MYO9A: variants seen among roughly 807,000 people sequenced by gnomAD.
MYO9A encodes the protein myosin IXA, also known as unconventional myosin-IXa.
MYO9A carries 103 observed loss-of-function variants against 293.3 expected under a neutral mutation model. That is an observed-to-expected ratio of 0.35 (90% CI 0.30 to 0.41). The LOEUF is 0.41. MYO9A is among the 10% of genes least tolerant of loss of function. The pLI is 1.00. For missense variants in MYO9A, 2,685 were observed against 3,033.0 expected (o/e 0.89, Z 2.69); for synonymous variants, 1,001 against 1,035.7 (o/e 0.97, Z 0.64).
intron 1 of MYO9A, among the ~76,000 whole-genome samples, chr15:72,073,965 T>C (rs2079269641): frequency 6.6e-6 from 1 of 152,194 alleles, no homozygotes; most frequent in African/African-American, 2.4e-5. Flanking sequence ...AGGGCCAGAC[T>C]GTAAGTATTT....
chr15:71,979,233 T>C (rs1173839756), intron 11 of MYO9A, among the ~76,000 whole-genome samples: 6 of 152,178 alleles, frequency 3.9e-5, no homozygotes, highest in Admixed American at 2.0e-4. Context: ...CTAGGAAAGG[T>C]AAATACTTAA....
chr15:72,098,837 C>CA (rs1200522408), intron 1 of MYO9A, among the ~76,000 whole-genome samples: 2 of 151,362 alleles, frequency 1.3e-5, no homozygotes, highest in African/African-American at 4.9e-5. Flanking sequence ...CAAAACAAAA[C>CA]AAACTGCTGT....
At chr15:72,020,738 A>G (rs2077479596) in intron 5 of MYO9A, among the ~76,000 whole-genome samples, 180 bp downstream of exon 5, 1 of 152,228 alleles carries the variant, frequency 6.6e-6, no homozygotes, top group East Asian at 1.9e-4. Context: ...TTTAACATTT[A>G]TATGAGGATG....
At chr15:72,057,561 C>G (rs759463057) in intron 1 of MYO9A, among the ~76,000 whole-genome samples, 2 of 152,160 alleles carry the variant, frequency 1.3e-5, no homozygotes, top group Non-Finnish European at 2.9e-5. Context: ...TGCTGTGACC[C>G]AGGCCCAGTC....
chr15:71,947,165 C>G (rs987334208), intron 15 of MYO9A, among the ~76,000 whole-genome samples: 1 of 151,338 alleles, frequency 6.6e-6, no homozygotes, highest in African/African-American at 2.4e-5. Context: ...ACCTGTAGTC[C>G]GAGGTGCTTG....
chr15:72,113,256 T>C (rs907445683), intron 1 of MYO9A, among the ~76,000 whole-genome samples: 1 of 152,066 alleles, frequency 6.6e-6, no homozygotes, highest in African/African-American at 2.4e-5. Context: ...GGTACCTAAC[T>C]TAATCTGAAA....
At chr15:71,920,238 C>G (rs997467505) in intron 18 of MYO9A, among the ~76,000 whole-genome samples, 1 of 152,086 alleles carries the variant, frequency 6.6e-6, no homozygotes, top group African/African-American at 2.4e-5. Flanking sequence ...CAACAATTAT[C>G]TACCACTTGC....
chr15:71,830,971 TC>T (rs2054699238), intron 39 of MYO9A, among the ~76,000 whole-genome samples: 4 of 146,852 alleles, frequency 2.7e-5, no homozygotes, highest in South Asian at 2.2e-4. Context: ...TGCTGCTTCT[TC>T]CTTTTTTTTT....
intron 5 of MYO9A, among the ~76,000 whole-genome samples, chr15:72,020,007 T>C (rs1279511581): frequency 6.6e-6 from 1 of 152,156 alleles, no homozygotes; most frequent in Non-Finnish European, 1.5e-5. Context: ...CTGCCTCAGC[T>C]TACCAAAGTA....
intron 1 of MYO9A, among the ~76,000 whole-genome samples, chr15:72,056,184 T>A (rs2078712855): frequency 6.6e-6 from 1 of 152,178 alleles, no homozygotes; most frequent in Admixed American, 6.6e-5. Context: ...GCCCAAATTA[T>A]GCCACTGTGC....
Position 71,903,042 on chromosome 15 carries a change from C to G in MYO9A, c.2899G>C (p.Val967Leu). Residue 967 changes from valine (V) to leucine (L), a missense_variant, in exon 22 of 42, where the codon GTA (valine) becomes CTA (leucine). This residue lies in a region of MYO9A where 1,434 missense variants were observed against 1,497.7 expected (regional missense o/e 0.96). Coordinates refer to ENST00000356056, the MANE Select transcript of MYO9A (RefSeq NM_006901.4). ...SFQDFVSHFH[V>L]LLPRNIIPSK... is the part of the protein sequence containing the mutation. The stretch of plus-strand genomic sequence containing the variant: ...GGAATAATATTTCGGGGAAGAAGTA[C>G]ATGGAAGTGGCTCACAAAATCCTGA... The G allele has an allele frequency of 1.3e-6, 2 of 1,593,846 alleles. No individual in the cohort carries two copies. Among genetic ancestry groups the G allele is most frequent in the Admixed American group, 1.7e-5 (1 of 57,708 alleles).
intron 39 of MYO9A, among the ~76,000 whole-genome samples, chr15:71,830,838 T>C (rs1043080972): frequency 9.2e-5 from 14 of 152,182 alleles, no homozygotes; most frequent in African/African-American, 1.4e-4. Flanking sequence ...CATAGAAGTA[T>C]GTTCTAAAAC....
chr15:71,898,286 G>A lies in MYO9A; in HGVS notation c.4217C>T (p.Pro1406Leu), dbSNP rs1321425032. 7 of 1,614,102 alleles carry A rather than the reference G, an allele frequency of 4.3e-6. No homozygotes were observed. The highest frequency in any genetic ancestry group is 4.0e-5 in the African/African-American group (3 of 75,046). Residue 1406 changes from proline (P) to leucine (L), a missense_variant, in exon 25 of 42, where the codon CCA becomes CTA. Physicochemically the swap from Pro to Leu is moderately conservative, Grantham distance 98. This residue lies in a region of MYO9A where 1,434 missense variants were observed against 1,497.7 expected (regional missense o/e 0.96). Transcript: ENST00000356056. ...VCSSESITCK[P>L]QLKDSFISNS... Reference sequence around the variant, plus strand: ...TGAAATGAAGGAGTCTTTCAGCTGTGGTTTACAGGTAATAGACTCAGAACT... The same window carrying A: ...TGAAATGAAGGAGTCTTTCAGCTGTAGTTTACAGGTAATAGACTCAGAACT...
rs993796584 is a variant in MYO9A, at chr15:71,825,064, G to GTAAC, written c.*1512_*1515dup. The GTAAC allele has an allele frequency of 2.0e-4, 30 of 152,314 alleles. No homozygotes were observed. Among genetic ancestry groups the GTAAC allele is most frequent in the South Asian group, 1.2e-3 (6 of 4,822 alleles). The allele number at this position is 152,314 out of a possible 1,614,324, so 9.4% of individuals were successfully genotyped here. ...GTAGTAGCAAGACAAGATGCATTTAGTAACTTTAAAAATAAACATTTCACA... is the reference window on the plus strand; with the variant it reads ...GTAGTAGCAAGACAAGATGCATTTAGTAACTAACTTTAAAAATAAACATTTCACA... On this transcript the variant is annotated 3_prime_UTR_variant, in exon 42 of 42. Transcript: ENST00000356056.
At chr15:71,984,128 A>C (rs991695670) in intron 11 of MYO9A, among the ~76,000 whole-genome samples, 1 of 152,234 alleles carries the variant, frequency 6.6e-6, no homozygotes, top group African/African-American at 2.4e-5. Context: ...GATATGTGGT[A>C]CATGAGATAT....
Position 72,111,486 on chromosome 15 carries a change from T to TAA in MYO9A, c.-72+6192_-72+6193dup, listed in dbSNP as rs200759527. 3.3e-3 allele frequency among the ~76,000 whole-genome samples: 466 copies of TAA among 142,508 alleles called. 1 individual carries two copies. Among genetic ancestry groups the TAA allele is most frequent in the African/African-American group, 8.0e-3 (308 of 38,724 alleles). The allele number at this position is 142,508 out of a possible 152,430, so 93.5% of individuals were successfully genotyped here. A position where few individuals can be genotyped will look rare whatever the true frequency, so the allele number is the denominator to read the frequency against. Reference sequence around the variant, plus strand: ...CCTGGGTGACAGAGTGAGATTGTCTTAAAAAAAAAAAAAAATTAATAAATA... The same window carrying TAA: ...CCTGGGTGACAGAGTGAGATTGTCTTAAAAAAAAAAAAAAAAATTAATAAATA... On this transcript the variant is annotated intron_variant, in intron 1 of 41. Coordinates refer to ENST00000356056, the MANE Select transcript of MYO9A (RefSeq NM_006901.4).
chr15:72,023,385 T>G (rs974325468), intron 4 of MYO9A, among the ~76,000 whole-genome samples: 14 of 151,544 alleles, frequency 9.2e-5, no homozygotes, highest in African/African-American at 3.1e-4. Context: ...CTTTGGGAGG[T>G]GGAGGTGGGT....
intron 1 of MYO9A, among the ~76,000 whole-genome samples, chr15:72,047,229 G>A (rs2078413048): frequency 6.6e-6 from 1 of 152,184 alleles, no homozygotes; most frequent in Non-Finnish European, 1.5e-5. Context: ...CCCACAAGGT[G>A]GGAAGGAGAA....
intron 33 of MYO9A, among the ~76,000 whole-genome samples, chr15:71,860,733 G>A (rs1200088547): frequency 4.6e-5 from 7 of 151,890 alleles, no homozygotes; most frequent in Admixed American, 6.6e-5. Context: ...TTGGGAGGTC[G>A]AGGTGAGTGG....
Sources: gnomAD v4.1 joint callset for allele counts (sites outside exome capture counted in the v4.1 genomes callset) on GRCh38, gnomAD v4.1.1 for gene constraint, gnomAD v4.1.1 regional missense constraint, MANE v1.5 for transcripts, NCBI Gene and HGNC (gene_info 2026-07-23, HGNC 2026-07-21) for gene names.